CSMD1: variants seen among roughly 807,000 people sequenced by gnomAD.
CSMD1 encodes CUB and Sushi multiple domains 1.
Under a neutral mutation model 417.5 loss-of-function variants are expected in CSMD1, and 213 were observed. The observed-to-expected ratio is 0.51, with a 90% CI of 0.46 to 0.57. The LOEUF (loss-of-function observed/expected upper bound fraction) is 0.57, where lower values mean the gene tolerates loss of function less well. Ranked by LOEUF, CSMD1 falls within the 20% of genes least tolerant of loss-of-function variation. The probability of loss-of-function intolerance (pLI) is 0.00; values close to 1 mark genes in which losing one functional copy is unlikely to be tolerated. For synonymous variants in CSMD1, 2,862 were observed against 1,736.8 expected (o/e 1.65, Z -16.11); for missense variants, 6,923 against 4,529.7 (o/e 1.53, Z -15.17).
intron 2 of CSMD1, among the ~76,000 whole-genome samples, chr8:4,491,640 T>C (rs1163332434): frequency 6.6e-6 from 1 of 152,142 alleles, no homozygotes; most frequent in East Asian, 1.9e-4. Flanking sequence ...TATGAAAAGA[T>C]GCTCAACCTC....
At chr8:4,046,979 T>C (rs1201143315) in intron 3 of CSMD1, among the ~76,000 whole-genome samples, 2 of 152,164 alleles carry the variant, frequency 1.3e-5, no homozygotes, top group East Asian at 3.9e-4. Context: ...TGCTCTTTTC[T>C]TTCCAGAACC....
At chr8:4,974,325 G>A (rs1372047387) in intron 1 of CSMD1, among the ~76,000 whole-genome samples, 5 of 152,056 alleles carry the variant, frequency 3.3e-5, no homozygotes, top group Non-Finnish European at 7.4e-5. Flanking sequence ...TATTTTTGAA[G>A]AGCACAGTCT....
chr8:2,977,343 T>C (rs959551748), intron 55 of CSMD1, among the ~76,000 whole-genome samples: 1 of 152,204 alleles, frequency 6.6e-6, no homozygotes, highest in Non-Finnish European at 1.5e-5. Context: ...TAAGTGAGAA[T>C]TTGTGGTGTT....
At chr8:3,453,495 G>A (rs982374655) in intron 12 of CSMD1, among the ~76,000 whole-genome samples, 1 of 152,150 alleles carries the variant, frequency 6.6e-6, no homozygotes, top group Non-Finnish European at 1.5e-5. Context: ...GTGTCCCAGA[G>A]ATTCTGGTAT....
At chr8:3,835,792 G>T (rs966194558) in intron 5 of CSMD1, among the ~76,000 whole-genome samples, 1 of 151,380 alleles carries the variant, frequency 6.6e-6, no homozygotes, top group Non-Finnish European at 1.5e-5. Context: ...GGGTGATTGT[G>T]TGAGTTCCTA....
intron 12 of CSMD1, among the ~76,000 whole-genome samples, chr8:3,440,937 C>G (rs949710375): frequency 5.3e-5 from 8 of 152,182 alleles, no homozygotes; most frequent in Non-Finnish European, 1.5e-5. Flanking sequence ...GACGTGGTGA[C>G]TGTGATTTTA....
At chr8:3,447,648 C>T (rs1815385037) in intron 12 of CSMD1, among the ~76,000 whole-genome samples, 1 of 152,184 alleles carries the variant, frequency 6.6e-6, no homozygotes. Flanking sequence ...TGTGTGCATT[C>T]TTTGCTGCTT....
At chr8:3,346,764 C>G (rs1211853050) in intron 22 of CSMD1, among the ~76,000 whole-genome samples, 3 of 152,228 alleles carry the variant, frequency 2.0e-5, no homozygotes, top group Non-Finnish European at 4.4e-5. Context: ...TGCATATTCT[C>G]TTAGAAGTCT....
At chr8:4,393,495 A>G (rs1803997400) in intron 3 of CSMD1, among the ~76,000 whole-genome samples, 1 of 152,222 alleles carries the variant, frequency 6.6e-6, no homozygotes, top group African/African-American at 2.4e-5. Flanking sequence ...GCCACTATGT[A>G]GATTTAAACA....
chr8:4,453,047 T>C (rs973513771), intron 2 of CSMD1, among the ~76,000 whole-genome samples: 2 of 152,258 alleles, frequency 1.3e-5, no homozygotes, highest in South Asian at 2.1e-4. Context: ...TTTTCAAGCA[T>C]GTTGTGCTAG....
chr8:3,395,874 C>A (rs551287097), intron 17 of CSMD1, among the ~76,000 whole-genome samples: 1 of 152,238 alleles, frequency 6.6e-6, no homozygotes, highest in East Asian at 1.9e-4. Flanking sequence ...GACTTTTGCT[C>A]AGAAAGTACA....
At position 3,484,266 on chromosome 8, in the gene CSMD1, A is replaced by C. The variant is rs575143473; in HGVS notation, c.1448+9357T>G. On this transcript the variant is annotated intron_variant, in intron 11 of 69. Transcript: ENST00000635120. ...ATCAGTGTAACAGAACAGAGAGCTCAGAAATAGACCCACACAAATACATCT... is the reference window on the plus strand; with the variant it reads ...ATCAGTGTAACAGAACAGAGAGCTCCGAAATAGACCCACACAAATACATCT... Among the ~76,000 whole-genome samples the C allele has an allele frequency of 1.1e-4, 17 of 152,334 alleles. 1 individual carries two copies. The South Asian group carries it at 3.5e-3, about 32-fold the overall frequency.
intron 11 of CSMD1, among the ~76,000 whole-genome samples, chr8:3,482,090 A>G (rs1718244866): frequency 6.6e-6 from 1 of 152,224 alleles, no homozygotes. Context: ...ACAAAACTTA[A>G]TAACCCTTAG....
At chr8:4,953,834 T>C (rs1227425012) in intron 1 of CSMD1, among the ~76,000 whole-genome samples, 1 of 152,152 alleles carries the variant, frequency 6.6e-6, no homozygotes, top group Non-Finnish European at 1.5e-5. Flanking sequence ...GGAAGAATTA[T>C]CTGGGATCCC....
At chr8:3,168,357 CCT>C (rs1478413505) in intron 37 of CSMD1, among the ~76,000 whole-genome samples, 1 of 152,144 alleles carries the variant, frequency 6.6e-6, no homozygotes, top group Admixed American at 6.5e-5. Flanking sequence ...GATGAAAATT[CCT>C]CTTTTTCTAG....
At chr8:3,157,758 T>C in intron 39 of CSMD1, 139 bp downstream of exon 39, 1 of 672,340 alleles carries the variant, frequency 1.5e-6, no homozygotes, top group Non-Finnish European at 2.7e-6. Context: ...TCTGCTCTAC[T>C]GCATTATGTG....
At chr8:4,128,980 G>C (rs1802928142) in intron 3 of CSMD1, among the ~76,000 whole-genome samples, 1 of 150,756 alleles carries the variant, frequency 6.6e-6, no homozygotes, top group South Asian at 2.1e-4. Context: ...GGAAGCTGAG[G>C]CAGGAGAGTT....
intron 3 of CSMD1, among the ~76,000 whole-genome samples, chr8:4,353,039 T>C (rs187204916): frequency 5.3e-4 from 80 of 152,340 alleles, no homozygotes; most frequent in African/African-American, 1.5e-3. Context: ...AGTCTTAATA[T>C]ATTAGATTGT....
intron 7 of CSMD1, among the ~76,000 whole-genome samples, chr8:3,682,663 A>G (rs1282267964): frequency 6.6e-6 from 1 of 152,206 alleles, no homozygotes; most frequent in Non-Finnish European, 1.5e-5. Context: ...AATTAGAAAT[A>G]CCATTTGATC....
Sources: allele counts gnomAD v4.1 joint callset (sites outside exome capture counted in the v4.1 genomes callset), GRCh38; gene constraint gnomAD v4.1.1; transcripts MANE v1.5; gene names NCBI Gene and HGNC (gene_info 2026-07-23, HGNC 2026-07-21).